The following LARP1B variants were observed in gnomAD, a reference collection of about 807,000 sequenced individuals.
LARP1B encodes la-related protein 1B.
LARP1B carries 76 observed loss-of-function variants against 114.2 expected under a neutral mutation model. The observed-to-expected ratio is 0.67, with a 90% confidence interval of 0.55 to 0.81. LARP1B has a LOEUF of 0.81. LARP1B is among the 30% of genes least tolerant of loss of function. The probability of loss-of-function intolerance (pLI) is 0.00; values close to 1 mark genes in which losing one functional copy is unlikely to be tolerated. For synonymous variants in LARP1B, 345 were observed against 348.0 expected (o/e 0.99, Z 0.10); for missense variants, 1,014 against 1,075.8 (o/e 0.94, Z 0.80).
intron 11 of LARP1B, among the ~76,000 whole-genome samples, chr4:128,161,732 C>T (rs1403280980): frequency 1.3e-5 from 2 of 152,092 alleles, no homozygotes; most frequent in Non-Finnish European, 2.9e-5. Context: ...GCTTTTGTCC[C>T]ATCTCTCCTG....
At chr4:128,123,638 T>C in intron 11 of LARP1B, 1 of 610,346 alleles carries the variant, frequency 1.6e-6, no homozygotes, top group Non-Finnish European at 2.1e-6. Flanking sequence ...GTTAGAATAG[T>C]TTCTGGCACA....
chr4:128,092,406 T>C (rs549346344), intron 7 of LARP1B, among the ~76,000 whole-genome samples: 12 of 152,326 alleles, frequency 7.9e-5, no homozygotes, highest in Non-Finnish European at 1.6e-4. Context: ...GTCAGGAGAA[T>C]ATTAGTTCTA....
At chr4:128,102,162 T>A (rs547169242) in intron 8 of LARP1B, among the ~76,000 whole-genome samples, 1 of 152,316 alleles carries the variant, frequency 6.6e-6, no homozygotes, top group Admixed American at 6.5e-5. Context: ...TTAACATTCA[T>A]TATGCACCTA....
chr4:128,184,227 T>C (rs1749545166), intron 15 of LARP1B, among the ~76,000 whole-genome samples: 1 of 152,108 alleles, frequency 6.6e-6, no homozygotes, highest in Non-Finnish European at 1.5e-5. Flanking sequence ...AGAGAAAACT[T>C]GGGAACAGAA....
At chr4:128,219,907 C>T (rs1258929340) in intron 6 of LARP1B, among the ~76,000 whole-genome samples, 1 of 151,930 alleles carries the variant, frequency 6.6e-6, no homozygotes, top group Non-Finnish European at 1.5e-5. Context: ...TTTTTTGAGA[C>T]AGAGTTTCGC....
At chr4:128,179,609 T>A (rs1480826857) in intron 15 of LARP1B, 97 bp downstream of exon 15, 17 of 697,492 alleles carry the variant, frequency 2.4e-5, no homozygotes, top group Non-Finnish European at 3.9e-5. Context: ...AAAATTAATA[T>A]GTTAGCAAAT....
At chr4:128,063,699 A>C (rs1364111709) in intron 1 of LARP1B, among the ~76,000 whole-genome samples, 12 of 151,618 alleles carry the variant, frequency 7.9e-5, no homozygotes, top group Admixed American at 2.0e-4. Flanking sequence ...GAATCGCTTG[A>C]ACCCGGGAGG....
intron 11 of LARP1B, among the ~76,000 whole-genome samples, chr4:128,129,298 T>C (rs919174510): frequency 7.6e-6 from 1 of 132,374 alleles, no homozygotes; most frequent in Non-Finnish European, 1.5e-5. Context: ...GAGGGTGCAG[T>C]GAGCCGAGGT....
intron 11 of LARP1B, among the ~76,000 whole-genome samples, chr4:128,131,760 A>G (rs942495731): frequency 6.6e-6 from 1 of 152,220 alleles, no homozygotes; most frequent in Non-Finnish European, 1.5e-5. Flanking sequence ...GAATTTGAGT[A>G]GACATTTCTT....
chr4:128,081,378 C>CT (rs35763535), intron 4 of LARP1B, among the ~76,000 whole-genome samples: 2,057 of 110,608 alleles, frequency 0.019, 50 homozygotes, highest in African/African-American at 0.057. Flanking sequence ...TGCGCCCGGC[C>CT]TTTTTTTTTT....
At chr4:128,082,095 A>G in intron 4 of LARP1B, 70 bp from the exon 5 acceptor site, 1 of 1,367,938 alleles carries the variant, frequency 7.3e-7, no homozygotes, top group Non-Finnish European at 1.0e-6. Flanking sequence ...TAAAGTTCAG[A>G]GTGCTTTCAA....
At position 128,219,845 on chromosome 4, in the gene LARP1B, G is replaced by A. The variant is rs542163829; in HGVS notation, n.849-510G>A. 2.7e-5 allele frequency among the ~76,000 whole-genome samples: 4 copies of A among 150,922 alleles called. No individual in the cohort carries two copies. The East Asian group carries it at 5.9e-4, about 22-fold the overall frequency. On this transcript the variant is annotated intron_variant and non_coding_transcript_variant, in intron 6 of 7. Coordinates refer to the LARP1B transcript ENST00000503725. ...TAAATAAATAAATGGAATTAGGAAG[G>A]GGGTTATGTTTATATTATTTTAGCT... is the stretch of plus-strand genomic sequence containing the variant.
chr4:128,183,641 A>T (rs1030464564), intron 15 of LARP1B, among the ~76,000 whole-genome samples: 1 of 152,206 alleles, frequency 6.6e-6, no homozygotes, highest in African/African-American at 2.4e-5. Flanking sequence ...GATTCCAAGG[A>T]GTCATTTTAA....
Position 128,102,994 on chromosome 4 carries a change from C to A in LARP1B, c.814-4145C>A, listed in dbSNP as rs766064425. ...TTCAAGTCTTTCTCTTACTACCAGG[C>A]AGTAAGAATGCAACATCTATGTATT... On this transcript the variant is annotated intron_variant, in intron 8 of 19. Coordinates refer to ENST00000326639, the MANE Select transcript of LARP1B (RefSeq NM_018078.4). 4.6e-5 allele frequency among the ~76,000 whole-genome samples: 7 copies of A among 152,058 alleles called. 1 individual carries two copies. The highest frequency in any genetic ancestry group is 1.0e-4 in the Non-Finnish European group (7 of 68,018).
intron 1 of LARP1B, among the ~76,000 whole-genome samples, chr4:128,071,916 ATATAT>A (rs1209382611): frequency 1.3e-5 from 2 of 152,136 alleles, no homozygotes; most frequent in African/African-American, 4.8e-5. Context: ...GCCCTTAAAA[ATATAT>A]TATTTTCTTT....
At chr4:128,085,605 C>T (rs1216320594) in intron 5 of LARP1B, among the ~76,000 whole-genome samples, 5 of 152,132 alleles carry the variant, frequency 3.3e-5, no homozygotes, top group African/African-American at 7.2e-5. Flanking sequence ...TAGCCTCAAG[C>T]GATTCTCCTG....
In LARP1B at chr4:128,088,690, T is replaced by TA. The variant is rs548130276; in HGVS notation, c.359-2306dup. ...GTATATTGGTTCATGATCAGGTTTT[T>TA]AAAAACCTAGAGTGCTTCACATAGT... On this transcript the variant is annotated intron_variant, in intron 5 of 19. Coordinates refer to ENST00000326639, the MANE Select transcript of LARP1B (RefSeq NM_018078.4). Among the ~76,000 whole-genome samples the TA allele has an allele frequency of 1.7e-4, 26 of 152,326 alleles. 1 individual carries two copies. In the South Asian group the frequency reaches 4.8e-3, roughly 28 times the overall value.
At chr4:128,213,709 A>G (rs1759280336), downstream of LARP1B, among the ~76,000 whole-genome samples, 1 of 152,216 alleles carries the variant, frequency 6.6e-6, no homozygotes, top group South Asian at 2.1e-4. Context: ...AATGCTAAAA[A>G]TGTTATTCAA....
At chr4:128,212,644 G>A (rs1759143539), downstream of LARP1B, among the ~76,000 whole-genome samples, 1 of 151,954 alleles carries the variant, frequency 6.6e-6, no homozygotes, top group Non-Finnish European at 1.5e-5. Context: ...GTGAGACTCT[G>A]TCTCAAAAAA....
Sources: gnomAD v4.1 joint callset for allele counts (sites outside exome capture counted in the v4.1 genomes callset) on GRCh38, gnomAD v4.1.1 for gene constraint, MANE v1.5 for transcripts, NCBI Gene and HGNC (gene_info 2026-07-23, HGNC 2026-07-21) for gene names.